The following CDC42BPA variants were observed in gnomAD, a reference collection of about 807,000 sequenced individuals.
CDC42BPA encodes serine/threonine-protein kinase MRCK alpha.
A neutral mutation model predicts 223.5 loss-of-function variants in CDC42BPA; 80 were observed. The observed-to-expected ratio is 0.36, with a 90% CI of 0.30 to 0.43. The LOEUF (loss-of-function observed/expected upper bound fraction) is 0.43. Among genes scored for constraint, CDC42BPA ranks in the 20% least tolerant of loss-of-function variants. The pLI is 1.00. For missense variants in CDC42BPA, 1,743 were observed against 2,099.9 expected, an observed-to-expected ratio of 0.83 and a Z score of 3.32; for synonymous variants, 694 against 718.6, an observed-to-expected ratio of 0.97 and a Z score of 0.55.
chr1:227,149,724 T>G (rs1220704964), intron 6 of CDC42BPA, among the ~76,000 whole-genome samples: 1 of 152,082 alleles, frequency 6.6e-6, no homozygotes, highest in African/African-American at 2.4e-5. Context: ...CTGAAGAAAT[T>G]ACTAGCATCT....
chr1:227,284,321 T>C (rs975043880), intron 1 of CDC42BPA, among the ~76,000 whole-genome samples: 5 of 152,224 alleles, frequency 3.3e-5, no homozygotes, highest in African/African-American at 1.2e-4. Context: ...TCACAACTTA[T>C]GAACTAGTCA....
Position 227,028,707 on chromosome 1 carries a change from C to A in CDC42BPA, c.4382G>T (p.Arg1461Leu). The part of the protein sequence containing the change: ...SIGIYTDCQG[R>L]RSRQQELMWP... The stretch of plus-strand genomic sequence containing the variant: ...CATCAATTCCTGTTGTCTAGATCTT[C>A]GGCCCTGGCAGTCAGTGTATATCCC... The change falls in exon 30 of 37, where the codon CGA (arginine) becomes CTA (leucine). Residue 1461 changes from arginine (R) to leucine (L), a missense_variant. Physicochemically the swap from Arg to Leu is moderately radical, Grantham distance 102 (BLOSUM62 -2). Coordinates refer to ENST00000366766, the MANE Select transcript of CDC42BPA (RefSeq NM_001394014.1). The A allele has an allele frequency of 6.2e-7, 1 of 1,601,634 alleles. No individual in the cohort carries two copies. The highest frequency in any genetic ancestry group is 1.1e-5 in the South Asian group (1 of 89,612).
chr1:227,201,869 C>A (rs1479123254), intron 3 of CDC42BPA, among the ~76,000 whole-genome samples: 1 of 151,740 alleles, frequency 6.6e-6, no homozygotes, highest in Non-Finnish European at 1.5e-5. Flanking sequence ...ACACCATATT[C>A]CAGATACACT....
chr1:227,126,026 C>T (rs1013235962), intron 11 of CDC42BPA, among the ~76,000 whole-genome samples: 1 of 151,992 alleles, frequency 6.6e-6, no homozygotes, highest in Non-Finnish European at 1.5e-5. Context: ...CAGTTCTACA[C>T]CACACCCAAG....
chr1:227,272,051 G>A (rs1275017352), intron 1 of CDC42BPA, among the ~76,000 whole-genome samples: 1 of 152,120 alleles, frequency 6.6e-6, no homozygotes, highest in African/African-American at 2.4e-5. Context: ...TTTAAAATAT[G>A]ACAAAAGTGA....
intron 2 of CDC42BPA, among the ~76,000 whole-genome samples, chr1:227,214,540 C>T (rs373009393): frequency 3.9e-5 from 6 of 152,290 alleles, no homozygotes; most frequent in Admixed American, 6.5e-5. Flanking sequence ...GAACACACCA[C>T]GTGAGCTATT....
intron 35 of CDC42BPA, among the ~76,000 whole-genome samples, chr1:227,002,419 G>T (rs1207862277): frequency 6.6e-6 from 1 of 152,242 alleles, no homozygotes; most frequent in African/African-American, 2.4e-5. Flanking sequence ...ATAATGGCAA[G>T]AAAGTTGCAA....
In CDC42BPA at chr1:226,991,785, A is replaced by T. The variant is rs765281882; in HGVS notation, c.*2483T>A. ...GGTAGGGTTATTATTTTGATCTTAA[A>T]AGCATCCTTTGCAAAATAAGCACCT... On this transcript the variant is annotated 3_prime_UTR_variant, in exon 37 of 37. Transcript: ENST00000366766. 2 of 145,134 alleles carry T rather than the reference A, an allele frequency of 1.4e-5. No homozygotes were observed. The highest frequency in any genetic ancestry group is 4.3e-4 in the South Asian group (2 of 4,658). The allele number at this position is 145,134 out of a possible 1,614,324, so 9.0% of individuals were successfully genotyped here.
chr1:227,268,335 C>A (rs1427981163), intron 1 of CDC42BPA, among the ~76,000 whole-genome samples: 1 of 152,044 alleles, frequency 6.6e-6, no homozygotes, highest in Non-Finnish European at 1.5e-5. Context: ...GTAGCCTTTA[C>A]AGAAAAAGTT....
At position 227,060,031 on chromosome 1, in the gene CDC42BPA, T is replaced by A. The variant is rs933240346; in HGVS notation, c.2905-8046A>T. Among the ~76,000 whole-genome samples the A allele has an allele frequency of 2.0e-3, 45 of 22,292 alleles. 1 individual carries two copies. Among genetic ancestry groups the A allele is most frequent in the Non-Finnish European group, 2.4e-3 (27 of 11,182 alleles). 14.6% of individuals were successfully genotyped at this position (22,292 alleles called of 152,430 possible). ...AATTATCTCAAAAAGTTTTTTTTTG[T>A]TTTTTTTTTTTTTTTTTGAGACGGG... On this transcript the variant is annotated intron_variant, in intron 21 of 36. Transcript: ENST00000366766.
intron 11 of CDC42BPA, 66 bp downstream of exon 11, chr1:227,129,043 T>C: frequency 1.8e-6 from 2 of 1,093,736 alleles, no homozygotes; most frequent in Non-Finnish European, 2.7e-6. Context: ...TAGATGTTTT[T>C]TGTGTGAATA....
intron 14 of CDC42BPA, among the ~76,000 whole-genome samples, chr1:227,103,656 T>A (rs565966567): frequency 5.6e-4 from 85 of 152,204 alleles, no homozygotes; most frequent in African/African-American, 2.0e-3. Context: ...AGTATCACTA[T>A]GACAGATCTG....
At position 227,260,437 on chromosome 1, in the gene CDC42BPA, C is replaced by T. The variant is rs1040337188; in HGVS notation, c.179-6282G>A. 2.6e-5 allele frequency among the ~76,000 whole-genome samples: 4 copies of T among 151,104 alleles called. No homozygotes were observed. The East Asian group carries it at 7.7e-4, about 29-fold the overall frequency. ...ATCTTTCTCCCTACTCTGTGTAGCC[C>T]AAGATCCAACAACAGAGTCTCCTTC... On this transcript the variant is annotated intron_variant, in intron 1 of 36. Transcript: ENST00000366766.
At chr1:227,074,434 G>A in intron 17 of CDC42BPA, 70 bp from the exon 18 acceptor site, 2 of 1,094,040 alleles carry the variant, frequency 1.8e-6, no homozygotes, top group South Asian at 1.4e-5. Flanking sequence ...TTATTTTAAA[G>A]CTTCCTAAAG....
intron 6 of CDC42BPA, among the ~76,000 whole-genome samples, chr1:227,151,222 T>C (rs185163340): frequency 3.3e-4 from 51 of 152,326 alleles, no homozygotes; most frequent in South Asian, 2.3e-3. Flanking sequence ...TTGATTACTA[T>C]AGTTATCTCA....
intron 4 of CDC42BPA, among the ~76,000 whole-genome samples, chr1:227,198,657 G>A (rs539045435): frequency 3.9e-5 from 6 of 152,050 alleles, no homozygotes; most frequent in Middle Eastern, 3.4e-3. Context: ...TTATAGAGTT[G>A]CATAAACCTT....
chr1:227,007,607 A>C (rs1320815399), intron 34 of CDC42BPA, among the ~76,000 whole-genome samples: 1 of 152,254 alleles, frequency 6.6e-6, no homozygotes, highest in Admixed American at 6.5e-5. Context: ...TTTTTAAAAA[A>C]ATGTTACAAC....
chr1:227,258,454 T>C (rs979272776), intron 1 of CDC42BPA, among the ~76,000 whole-genome samples: 6 of 150,846 alleles, frequency 4.0e-5, no homozygotes, highest in African/African-American at 1.5e-4. Flanking sequence ...ATTAACAATA[T>C]TAAGTGTCTA....
intron 3 of CDC42BPA, among the ~76,000 whole-genome samples, chr1:227,210,612 T>A (rs559517362): frequency 3.7e-4 from 57 of 152,322 alleles, no homozygotes; most frequent in Non-Finnish European, 6.5e-4. Flanking sequence ...GCTAACCCAG[T>A]TATTCATCCT....
Sources: gnomAD v4.1 joint callset for allele counts (sites outside exome capture counted in the v4.1 genomes callset) on GRCh38, gnomAD v4.1.1 for gene constraint, MANE v1.5 for transcripts, NCBI Gene and HGNC (gene_info 2026-07-23, HGNC 2026-07-21) for gene names.